The following NHS variants were observed in gnomAD, a reference collection of about 807,000 sequenced individuals.
NHS encodes NHS actin remodeling regulator.
Under a neutral mutation model 72.5 loss-of-function variants are expected in NHS, and 5 were observed. The ratio of observed to expected loss-of-function variants is 0.07; its 90% CI spans 0.04 to 0.14. The LOEUF is 0.14. NHS is among the 10% of genes least tolerant of loss of function. NHS has a pLI of 1.00. For missense variants in NHS, 1,072 were observed against 1,355.7 expected, an observed-to-expected ratio of 0.79 and a Z score of 3.29; for synonymous variants, 464 against 547.7, an observed-to-expected ratio of 0.85 and a Z score of 2.13.
At chrX:17,641,550 A>G (rs1215032326) in intron 1 of NHS, among the ~76,000 whole-genome samples, 1 of 111,374 alleles carries the variant, frequency 9.0e-6, no homozygotes, top group Admixed American at 9.5e-5. Flanking sequence ...CAAAAATCCA[A>G]TTTCTTGCAT....
Position 17,588,277 on chromosome X carries a change from A to G in NHS, c.566-99465A>G, listed in dbSNP as rs777878809. Among the ~76,000 whole-genome samples the G allele has an allele frequency of 4.7e-4, 53 of 111,752 alleles. 1 individual carries two copies. In the Admixed American group the frequency reaches 4.9e-3, roughly 10 times the overall value. Reference sequence around the variant, plus strand: ...AAAAATAAGTCACATGGCCACTCCTAGATGCCAGGGTTGGGGAGAGGGTGC... The same window carrying G: ...AAAAATAAGTCACATGGCCACTCCTGGATGCCAGGGTTGGGGAGAGGGTGC... On this transcript the variant is annotated intron_variant, in intron 1 of 8. Transcript: ENST00000676302.
At chrX:17,659,844 G>A (rs925784304) in intron 1 of NHS, among the ~76,000 whole-genome samples, 15 of 111,860 alleles carry the variant, frequency 1.3e-4, no homozygotes, top group Non-Finnish European at 2.6e-4. Context: ...TGAAGAAACT[G>A]AGGCACAGAG....
intron 1 of NHS, among the ~76,000 whole-genome samples, chrX:17,537,847 C>T (rs1296975570): frequency 9.0e-6 from 1 of 111,674 alleles, no homozygotes; most frequent in Non-Finnish European, 1.9e-5. Flanking sequence ...GAGACAATGC[C>T]CGACTGGAGG....
In NHS at chrX:17,639,441, T is replaced by C. The variant is rs984756712; in HGVS notation, c.566-48301T>C. ...GGCTGAGAAGTCCAAGATCAAGTGG[T>C]TGCATCTGGTTGGCTTCTGGTGAGG... is the stretch of plus-strand genomic sequence containing the variant. On this transcript the variant is annotated intron_variant, in intron 1 of 8. Transcript: ENST00000676302. Among the ~76,000 whole-genome samples the C allele has an allele frequency of 2.7e-5, 3 of 111,448 alleles. No individual in the cohort carries two copies. In the Admixed American group the frequency reaches 2.9e-4, roughly 11 times the overall value.
chrX:17,424,076 C>G (rs189335301), intron 1 of NHS, among the ~76,000 whole-genome samples: 21 of 112,596 alleles, frequency 1.9e-4, no homozygotes, highest in Non-Finnish European at 3.6e-4. Context: ...TGATCCTAAT[C>G]TACTTTGGGG....
intron 1 of NHS, among the ~76,000 whole-genome samples, chrX:17,615,205 T>TATATATATACGTATATATACAC (rs1569294191): frequency 1.1e-5 from 1 of 88,779 alleles, no homozygotes; most frequent in East Asian, 4.4e-4. Context: ...CATATATACG[T>TATATATATACGTATATATACAC]ATATATATAC....
At chrX:17,494,076 CTTTTTTTTTTT>C (rs749475125) in intron 1 of NHS, among the ~76,000 whole-genome samples, 1 of 73,321 alleles carries the variant, frequency 1.4e-5, no homozygotes, top group East Asian at 4.6e-4. Flanking sequence ...TCCTGGATGA[CTTTTTTTTTTT>C]TTTTTTTTTT....
intron 1 of NHS, among the ~76,000 whole-genome samples, chrX:17,633,828 G>C (rs940502145): frequency 9.0e-6 from 1 of 111,625 alleles, no homozygotes; most frequent in African/African-American, 3.3e-5. Context: ...CCTTTCATTC[G>C]CGACAGTCTT....
At chrX:17,471,168 C>T (rs1421849617) in intron 1 of NHS, among the ~76,000 whole-genome samples, 11 of 112,430 alleles carry the variant, frequency 9.8e-5, no homozygotes, top group Non-Finnish European at 1.7e-4. Flanking sequence ...TTTCATTGAA[C>T]GTTTCAAAGA....
intron 8 of NHS, among the ~76,000 whole-genome samples, chrX:17,729,684 GACC>G (rs766676724): frequency 2.7e-5 from 3 of 111,672 alleles, no homozygotes; most frequent in Non-Finnish European, 3.8e-5. Flanking sequence ...TATAGCTAAT[GACC>G]AAAGAACAGA....
At chrX:17,500,432 T>C (rs2065032034) in intron 1 of NHS, among the ~76,000 whole-genome samples, 1 of 111,954 alleles carries the variant, frequency 8.9e-6, no homozygotes, top group South Asian at 3.7e-4. Context: ...TGATTCTGAT[T>C]GTGTCTTATC....
At chrX:17,527,804 C>T (rs1461774780) in intron 1 of NHS, among the ~76,000 whole-genome samples, 1 of 111,253 alleles carries the variant, frequency 9.0e-6, no homozygotes, top group Non-Finnish European at 1.9e-5. Flanking sequence ...AAACTACAAG[C>T]CGCTCCCTTT....
chrX:17,453,570 C>G (rs2064814694), intron 1 of NHS, among the ~76,000 whole-genome samples: 1 of 111,794 alleles, frequency 8.9e-6, no homozygotes, highest in Non-Finnish European at 1.9e-5. Flanking sequence ...GCACATTTTA[C>G]TGTATGACAA....
rs763562348 is a variant in NHS at position 17,529,539 on chromosome X, G to A, written c.565+153217G>A. Among the ~76,000 whole-genome samples the A allele has an allele frequency of 9.9e-5, 11 of 111,348 alleles. No homozygotes were observed. In the South Asian group the frequency reaches 3.1e-3, roughly 31 times the overall value. ...CAATGCCTTTAGTGTCACTGAAGCCGACAAAGAAAGCTGACGCGTTGTTTT... is the reference window on the plus strand; with the variant it reads ...CAATGCCTTTAGTGTCACTGAAGCCAACAAAGAAAGCTGACGCGTTGTTTT... On this transcript the variant is annotated intron_variant, in intron 1 of 8. Transcript: ENST00000676302.
intron 1 of NHS, among the ~76,000 whole-genome samples, chrX:17,647,649 C>G (rs147322189): frequency 8.9e-6 from 1 of 112,323 alleles, no homozygotes; most frequent in African/African-American, 3.2e-5. Context: ...TTCTTCTTGG[C>G]CCACAGCATT....
chrX:17,391,544 G>A (rs768612263), intron 1 of NHS, among the ~76,000 whole-genome samples: 3 of 111,850 alleles, frequency 2.7e-5, no homozygotes, highest in Non-Finnish European at 5.6e-5. Flanking sequence ...CTTGGGTAAA[G>A]GATGTAGGTA....
At chrX:17,393,928 C>T (rs960730821) in intron 1 of NHS, among the ~76,000 whole-genome samples, 1 of 111,354 alleles carries the variant, frequency 9.0e-6, no homozygotes, top group Non-Finnish European at 1.9e-5. Context: ...TCTTTGAACC[C>T]CCTGGCATAG....
chrX:17,562,369 A>C (rs1339424083), intron 1 of NHS, among the ~76,000 whole-genome samples: 2 of 112,335 alleles, frequency 1.8e-5, no homozygotes, highest in African/African-American at 6.5e-5. Context: ...TATACTCCCA[A>C]CTACTAAGAA....
rs995438313 is a variant in NHS, at chrX:17,721,455, G to T, written c.930G>T (p.Glu310Asp). ...TPWSRKSHPP[E>D]DEDTDVMLGQ... ...TTTGTTTGCAGTCCCATCCCCCAGA[G>T]GATGAAGATACAGATGTCATGTTAG... Residue 310 changes from glutamate (E) to aspartate (D), a missense_variant, in exon 5 of 9, where the codon GAG (glutamate) becomes GAT (aspartate). Transcript: ENST00000676302. 3.8e-5 allele frequency: 46 copies of T among 1,209,464 alleles called. No homozygotes were observed. Among genetic ancestry groups the T allele is most frequent in the Non-Finnish European group, 4.9e-5 (44 of 895,057 alleles).
Sources: allele counts gnomAD v4.1 joint callset (sites outside exome capture counted in the v4.1 genomes callset), GRCh38; gene constraint gnomAD v4.1.1; transcripts MANE v1.5; gene names NCBI Gene and HGNC (gene_info 2026-07-23, HGNC 2026-07-21).